Variants in CLNK observed in about 807,000 individuals in gnomAD.
CLNK encodes the protein cytokine dependent hematopoietic cell linker.
Under a neutral mutation model 68.6 loss-of-function variants are expected in CLNK, and 74 were observed. The observed-to-expected ratio is 1.08, with a 90% CI of 0.89 to 1.31. The LOEUF (loss-of-function observed/expected upper bound fraction) is 1.31, where lower values mean the gene tolerates loss of function less well. Ranked by LOEUF, CLNK falls within the 50% of genes most tolerant of loss-of-function variation. The probability of loss-of-function intolerance (pLI) is 0.00; values close to 1 mark genes in which losing one functional copy is unlikely to be tolerated. For synonymous variants in CLNK, 198 were observed against 172.2 expected (o/e 1.15, Z -1.17); for missense variants, 553 against 515.3 (o/e 1.07, Z -0.71).
At chr4:10,574,008 A>G (rs1400727912) in intron 4 of CLNK, among the ~76,000 whole-genome samples, 1 of 152,214 alleles carries the variant, frequency 6.6e-6, no homozygotes, top group Admixed American at 6.5e-5. Flanking sequence ...CATGACATTT[A>G]AATACGAATA....
intron 11 of CLNK, among the ~76,000 whole-genome samples, chr4:10,537,639 C>CTTTCTTTCTTTG: frequency 1.6e-5 from 1 of 62,712 alleles, no homozygotes; most frequent in Middle Eastern, 7.4e-3. Flanking sequence ...CTTTCTTTCT[C>CTTTCTTTCTTTG]TTTCTTTCTT....
intron 2 of CLNK, among the ~76,000 whole-genome samples, chr4:10,618,315 A>C (rs1221200640): frequency 1.3e-5 from 2 of 152,234 alleles, no homozygotes; most frequent in Admixed American, 6.5e-5. Flanking sequence ...ATAATCCAGA[A>C]AAGGCAAATC....
intron 2 of CLNK, among the ~76,000 whole-genome samples, chr4:10,616,413 A>G (rs925524618): frequency 6.6e-6 from 1 of 152,262 alleles, no homozygotes; most frequent in Non-Finnish European, 1.5e-5. Flanking sequence ...TGCGAATAGC[A>G]CAAAATAGGA....
chr4:10,675,197 T>G (rs965791443), intron 1 of CLNK, among the ~76,000 whole-genome samples: 1 of 152,156 alleles, frequency 6.6e-6, no homozygotes, highest in Non-Finnish European at 1.5e-5. Flanking sequence ...CACCTATATT[T>G]TAGAAAACTA....
At chr4:10,682,925 A>G (rs747173140) in intron 1 of CLNK, among the ~76,000 whole-genome samples, 12 of 152,196 alleles carry the variant, frequency 7.9e-5, no homozygotes, top group Non-Finnish European at 2.9e-5. Context: ...GTATTAATCA[A>G]TTCTATGTTG....
At chr4:10,545,310 G>C (rs999406231) in intron 8 of CLNK, among the ~76,000 whole-genome samples, 1 of 152,148 alleles carries the variant, frequency 6.6e-6, no homozygotes, top group African/African-American at 2.4e-5. Flanking sequence ...TTCTAAAAGG[G>C]AGAAAGAGGC....
intron 4 of CLNK, 89 bp downstream of exon 4, chr4:10,584,838 G>T: frequency 7.4e-7 from 1 of 1,351,692 alleles, no homozygotes; most frequent in Non-Finnish European, 1.0e-6. Context: ...TAGTTTTATT[G>T]AAATAAAAAC....
chr4:10,664,855 C>T (rs936900108), intron 2 of CLNK, among the ~76,000 whole-genome samples: 4 of 152,196 alleles, frequency 2.6e-5, no homozygotes, highest in African/African-American at 9.6e-5. Context: ...GTGGTGCCAG[C>T]TTATGCATTT....
chr4:10,699,519 T>TTA, the CLNK span, among the ~76,000 whole-genome samples: 59 of 132,958 alleles, frequency 4.4e-4, no homozygotes, highest in African/African-American at 1.5e-3. Context: ...TATATTTTTT[T>TTA]TTTTTTTTTT....
At chr4:10,712,565 A>G in the CLNK span, among the ~76,000 whole-genome samples, 8 of 152,254 alleles carry the variant, frequency 5.3e-5, no homozygotes, top group African/African-American at 1.7e-4. Flanking sequence ...TAGCCTGTAT[A>G]GCATTAATGA....
chr4:10,624,807 A>G (rs576662822), intron 2 of CLNK, among the ~76,000 whole-genome samples: 2 of 152,112 alleles, frequency 1.3e-5, no homozygotes, highest in East Asian at 3.9e-4. Context: ...TTGGAGGAAC[A>G]CACCTTGGGA....
At chr4:10,551,704 C>G (rs1010103660) in intron 8 of CLNK, among the ~76,000 whole-genome samples, 1 of 152,142 alleles carries the variant, frequency 6.6e-6, no homozygotes, top group South Asian at 2.1e-4. Flanking sequence ...GGCTTACGGG[C>G]TTATTGAACA....
intron 2 of CLNK, among the ~76,000 whole-genome samples, chr4:10,616,547 A>T (rs1722232821): frequency 6.6e-6 from 1 of 152,158 alleles, no homozygotes; most frequent in Admixed American, 6.5e-5. Flanking sequence ...ATTAATACAA[A>T]GGAAAATAGC....
intron 4 of CLNK, among the ~76,000 whole-genome samples, chr4:10,580,984 G>A (rs1052027239): frequency 6.6e-6 from 1 of 152,174 alleles, no homozygotes; most frequent in Non-Finnish European, 1.5e-5. Flanking sequence ...CAGTCCGCAA[G>A]CTCCCTTTAT....
At chr4:10,562,101 C>CTTTTTTTTT (rs11345903) in intron 7 of CLNK, among the ~76,000 whole-genome samples, 1 of 129,290 alleles carries the variant, frequency 7.7e-6, no homozygotes, top group African/African-American at 2.9e-5. Flanking sequence ...TTTTTCTTTT[C>CTTTTTTTTT]TTTTTTTTTT....
chr4:10,539,281 G>A, intron 11 of CLNK, among the ~76,000 whole-genome samples: 1 of 152,190 alleles, frequency 6.6e-6, no homozygotes, highest in Non-Finnish European at 1.5e-5. Context: ...ATGCTTGTGT[G>A]GGGCTGTAAT....
Position 10,501,357 on chromosome 4 carries a change from C to T in CLNK, c.1039G>A (p.Val347Ile), listed in dbSNP as rs1008832773. The T allele has an allele frequency of 1.8e-5, 29 of 1,610,188 alleles. No homozygotes were observed. The highest frequency in any genetic ancestry group is 2.3e-5 in the Non-Finnish European group (27 of 1,178,984). Residue 347 changes from valine (V) to isoleucine (I), a missense_variant, in exon 18 of 19, where the codon GTT becomes ATT. Transcript: ENST00000226951. ...CSTKSKEEPY[V>I]LAVFYENKVY... ...TTGTTCTCATAAAACACAGCCAAAA[C>T]ATAGGGCTCTTCCTTGGATTTTGTG...
intron 3 of CLNK, among the ~76,000 whole-genome samples, chr4:10,594,995 G>T (rs1169619396): frequency 6.6e-6 from 1 of 152,190 alleles, no homozygotes; most frequent in Non-Finnish European, 1.5e-5. Flanking sequence ...TGGCTGGGGG[G>T]CTGAGGCAGG....
intron 3 of CLNK, among the ~76,000 whole-genome samples, chr4:10,593,957 C>A (rs534495474): frequency 4.6e-5 from 7 of 152,112 alleles, no homozygotes; most frequent in African/African-American, 7.2e-5. Context: ...ATCTTGGTGC[C>A]ACTGCTCAGT....
Sources: allele counts gnomAD v4.1 joint callset (sites outside exome capture counted in the v4.1 genomes callset), GRCh38; gene constraint gnomAD v4.1.1; transcripts MANE v1.5; gene names NCBI Gene and HGNC (gene_info 2026-07-23, HGNC 2026-07-21).